The following LYRM4 variants were observed in gnomAD, a reference collection of about 807,000 sequenced individuals.
LYRM4 encodes the protein LYR motif-containing protein 4.
LYRM4 carries 9 observed loss-of-function variants against 11.7 expected under a neutral mutation model. That is an observed-to-expected ratio of 0.77 (90% CI 0.46 to 1.34). LYRM4 has a LOEUF of 1.34. LYRM4 is among the 40% of genes most tolerant of loss of function. LYRM4 has a pLI of 0.00. For synonymous variants in LYRM4, 42 were observed against 40.4 expected, an observed-to-expected ratio of 1.04 and a Z score of -0.15; for missense variants, 133 against 112.5, an observed-to-expected ratio of 1.18 and a Z score of -0.82.
chr6:5,054,720 G>A, the LYRM4 span, among the ~76,000 whole-genome samples: 1 of 152,086 alleles, frequency 6.6e-6, no homozygotes, highest in Non-Finnish European at 1.5e-5. Flanking sequence ...TCTTCCCTTT[G>A]GAGTTTAGAC....
intron 1 of LYRM4, among the ~76,000 whole-genome samples, chr6:5,223,266 A>G (rs2127732277): frequency 6.6e-6 from 1 of 152,360 alleles, no homozygotes; most frequent in East Asian, 1.9e-4. Context: ...TGAGGGTACA[A>G]TAGGATAACA....
At chr6:5,250,299 C>T (rs1764370071) in intron 1 of LYRM4, among the ~76,000 whole-genome samples, 1 of 152,042 alleles carries the variant, frequency 6.6e-6, no homozygotes, top group African/African-American at 2.4e-5. Flanking sequence ...CTCTTGTAAA[C>T]TACAGTCAAT....
intron 1 of LYRM4, among the ~76,000 whole-genome samples, chr6:5,221,513 T>C (rs977370862): frequency 2.6e-5 from 4 of 151,764 alleles, no homozygotes; most frequent in Non-Finnish European, 2.9e-5. Context: ...GTCAACATGG[T>C]GAAACCCTGT....
chr6:5,169,381 C>G (rs1427132085), intron 2 of LYRM4, among the ~76,000 whole-genome samples: 2 of 152,104 alleles, frequency 1.3e-5, no homozygotes, highest in Non-Finnish European at 2.9e-5. Context: ...CAAAAGGCAC[C>G]TGGGCACACA....
intron 1 of LYRM4, among the ~76,000 whole-genome samples, chr6:5,238,250 C>G (rs1004296263): frequency 5.9e-5 from 9 of 152,108 alleles, no homozygotes; most frequent in African/African-American, 2.2e-4. Context: ...AAACTATATA[C>G]TGAGAGACAT....
At chr6:5,147,395 A>G (rs1161401900) in intron 2 of LYRM4, among the ~76,000 whole-genome samples, 1 of 152,194 alleles carries the variant, frequency 6.6e-6, no homozygotes, top group East Asian at 1.9e-4. Context: ...TAACGTACCT[A>G]ATTAGGCTAC....
At chr6:5,131,792 C>T (rs1165554488) in intron 2 of LYRM4, among the ~76,000 whole-genome samples, 1 of 152,020 alleles carries the variant, frequency 6.6e-6, no homozygotes, top group East Asian at 1.9e-4. Context: ...TTTGCTGTAC[C>T]GTATCCTCAC....
Position 5,109,273 on chromosome 6 carries a change from C to T in LYRM4, c.*150G>A, listed in dbSNP as rs1581280474. 3 of 1,514,848 alleles carry T rather than the reference C, an allele frequency of 2.0e-6. No individual in the cohort carries two copies. The highest frequency in any genetic ancestry group is 2.7e-5 in the South Asian group (2 of 75,256). The allele number at this position is 1,514,848 out of a possible 1,614,324, so 93.8% of individuals were successfully genotyped here. A position where few individuals can be genotyped will look rare whatever the true frequency, so the allele number is the denominator to read the frequency against. On this transcript the variant is annotated 3_prime_UTR_variant, in exon 3 of 3. Transcript: ENST00000330636. ...CAGTCCTTTTTCACTAAGCCTGCAA[C>T]AGAATGCAAATGTGACTTGGTTTAT...
intron 2 of LYRM4, among the ~76,000 whole-genome samples, chr6:5,173,983 G>C (rs889612578): frequency 1.3e-5 from 2 of 152,148 alleles, no homozygotes; most frequent in Non-Finnish European, 2.9e-5. Flanking sequence ...TTGTTTCGAG[G>C]CCTGGGGTAA....
At chr6:5,182,696 A>C (rs965206188) in intron 2 of LYRM4, among the ~76,000 whole-genome samples, 5 of 152,238 alleles carry the variant, frequency 3.3e-5, no homozygotes, top group Admixed American at 1.3e-4. Context: ...TTAAAAAGGT[A>C]ACCCTGTTTG....
At chr6:5,071,566 G>A in the LYRM4 span, among the ~76,000 whole-genome samples, 90 of 151,548 alleles carry the variant, frequency 5.9e-4, no homozygotes, top group African/African-American at 2.1e-3. Flanking sequence ...GTGTGTATAT[G>A]TATATGTATA....
chr6:5,063,804 CG>C, the LYRM4 span, among the ~76,000 whole-genome samples: 37 of 152,342 alleles, frequency 2.4e-4, no homozygotes, highest in African/African-American at 8.7e-4. Flanking sequence ...CAGGCTGCCC[CG>C]GTTCCCCAGA....
At chr6:5,169,074 A>G (rs1015439172) in intron 2 of LYRM4, among the ~76,000 whole-genome samples, 3 of 152,038 alleles carry the variant, frequency 2.0e-5, no homozygotes, top group African/African-American at 7.2e-5. Flanking sequence ...ACAAATGTGC[A>G]TTTGGCTTGT....
At chr6:5,120,464 C>A (rs541820362) in intron 2 of LYRM4, among the ~76,000 whole-genome samples, 1 of 152,188 alleles carries the variant, frequency 6.6e-6, no homozygotes, top group East Asian at 1.9e-4. Context: ...AGTGTTACAA[C>A]TCTTAAAGGT....
rs563706336 is a variant in LYRM4 at position 5,133,712 on chromosome 6, C to T, written c.208-24221G>A. The stretch of plus-strand genomic sequence containing the variant: ...GTACAATCATCAACACTATTTAGTT[C>T]TGGAAATTTTCATCACCCCCAAAAG... On this transcript the variant is annotated intron_variant, in intron 2 of 2. Coordinates refer to ENST00000330636, the MANE Select transcript of LYRM4 (RefSeq NM_020408.6). 1.2e-4 allele frequency among the ~76,000 whole-genome samples: 19 copies of T among 152,302 alleles called. No individual in the cohort carries two copies. The South Asian group carries it at 3.5e-3, about 28-fold the overall frequency.
At chr6:5,038,211 G>T in the LYRM4 span, among the ~76,000 whole-genome samples, 5 of 61,526 alleles carry the variant, frequency 8.1e-5, 1 homozygote, top group Admixed American at 4.5e-4. Context: ...GACGATGGGC[G>T]GCCGGGCAGA....
At chr6:5,099,206 A>ATT (rs55959342), downstream of LYRM4, among the ~76,000 whole-genome samples, 116 of 146,226 alleles carry the variant, frequency 7.9e-4, 1 homozygote, top group Admixed American at 1.2e-3. The surrounding 1 kb of genome is among the most constrained non-coding windows in gnomAD (Gnocchi z 4.3). Flanking sequence ...TACTTATATA[A>ATT]TTTTTTTTTT....
the LYRM4 span, chr6:5,032,505 A>G: frequency 6.6e-6 from 1 of 152,204 alleles, no homozygotes; most frequent in Non-Finnish European, 1.5e-5. Context: ...ATAAAAATAG[A>G]TTTCAGAGGC....
At chr6:5,092,032 GTCT>G in the LYRM4 span, among the ~76,000 whole-genome samples, 18 of 152,186 alleles carry the variant, frequency 1.2e-4, no homozygotes, top group African/African-American at 4.1e-4. Flanking sequence ...AGGAAATTCA[GTCT>G]GAAAATCTGG....
Sources: gnomAD v4.1 joint callset for allele counts (sites outside exome capture counted in the v4.1 genomes callset) on GRCh38, gnomAD v4.1.1 for gene constraint, Gnocchi (gnomAD v3.1) non-coding constraint, MANE v1.5 for transcripts, NCBI Gene and HGNC (gene_info 2026-07-23, HGNC 2026-07-21) for gene names.